Variants in DTNB observed in about 807,000 individuals in gnomAD.
The protein encoded by DTNB is DTN-B.
A neutral mutation model predicts 90.7 loss-of-function variants in DTNB; 63 were observed. The ratio of observed to expected loss-of-function variants is 0.69; its 90% CI spans 0.57 to 0.86. The LOEUF is 0.86. Among genes scored for constraint, DTNB ranks in the 40% least tolerant of loss-of-function variants. DTNB has a pLI of 0.00. For synonymous variants in DTNB, 277 were observed against 286.7 expected (o/e 0.97, Z 0.34); for missense variants, 744 against 807.1 (o/e 0.92, Z 0.95).
chr2:25,427,844 G>T, intron 14 of DTNB: 1 of 424,644 alleles, frequency 2.4e-6, no homozygotes, highest in Non-Finnish European at 4.2e-6. Context: ...GCTTTGGAAA[G>T]TTTAGATGAC....
intron 19 of DTNB, 193 bp downstream of exon 19, chr2:25,383,643 G>T: frequency 8.4e-7 from 1 of 1,184,306 alleles, no homozygotes; most frequent in Non-Finnish European, 1.2e-6. Context: ...GGAAGCTCTT[G>T]GTGATCGACT....
chr2:25,634,379 A>G (rs1393406521), intron 3 of DTNB, among the ~76,000 whole-genome samples: 2 of 100,612 alleles, frequency 2.0e-5, no homozygotes, highest in African/African-American at 3.9e-5. Context: ...TCCGGGAGGG[A>G]GGTGGGGGGG....
At chr2:25,583,932 AC>A (rs1435855817) in intron 6 of DTNB, among the ~76,000 whole-genome samples, 1 of 152,164 alleles carries the variant, frequency 6.6e-6, no homozygotes, top group Non-Finnish European at 1.5e-5. Flanking sequence ...TCCTAAAGTC[AC>A]ACCATATATG....
intron 1 of DTNB, among the ~76,000 whole-genome samples, chr2:25,663,002 G>A (rs953442424): frequency 2.0e-5 from 3 of 151,926 alleles, no homozygotes; most frequent in Admixed American, 6.6e-5. Context: ...CTATTGACCC[G>A]CCATCTAAGT....
At chr2:25,574,104 C>T (rs1235729903) in intron 8 of DTNB, among the ~76,000 whole-genome samples, 1 of 152,116 alleles carries the variant, frequency 6.6e-6, no homozygotes, top group Non-Finnish European at 1.5e-5. Flanking sequence ...CACATGGTTC[C>T]ATTTAGCTAC....
At chr2:25,408,322 G>C (rs1478412620) in intron 16 of DTNB, among the ~76,000 whole-genome samples, 2 of 142,898 alleles carry the variant, frequency 1.4e-5, no homozygotes, top group Non-Finnish European at 3.1e-5. Flanking sequence ...AAAAAAAAAA[G>C]AGTTCGAGAC....
At chr2:25,581,137 G>A (rs1158487301) in intron 6 of DTNB, among the ~76,000 whole-genome samples, 1 of 152,066 alleles carries the variant, frequency 6.6e-6, no homozygotes, top group African/African-American at 2.4e-5. Context: ...GTAGTGGCCT[G>A]GCCCAAATCA....
intron 9 of DTNB, among the ~76,000 whole-genome samples, chr2:25,529,527 G>A (rs2077754178): frequency 6.6e-6 from 1 of 152,112 alleles, no homozygotes; most frequent in South Asian, 2.1e-4. Flanking sequence ...TTGCATTATG[G>A]GGAACAGATA....
In DTNB at chr2:25,616,070, G is replaced by C. The variant is rs561408587; in HGVS notation, c.363-8749C>G. Among the ~76,000 whole-genome samples the C allele has an allele frequency of 5.9e-5, 9 of 152,354 alleles. No homozygotes were observed. In the South Asian group the frequency reaches 1.9e-3, roughly 32 times the overall value. On this transcript the variant is annotated intron_variant, in intron 4 of 20. Coordinates refer to ENST00000406818, the MANE Select transcript of DTNB (RefSeq NM_021907.5). ...ACAGAAAATTAATCACACTGCAGTT[G>C]TGTAAATCTTTCTGGCTCCAAATCT...
intron 16 of DTNB, among the ~76,000 whole-genome samples, chr2:25,417,774 T>C (rs1370517648): frequency 1.3e-5 from 2 of 152,172 alleles, no homozygotes; most frequent in African/African-American, 4.8e-5. Flanking sequence ...GAATACTTCA[T>C]AACAAGGGGA....
intron 4 of DTNB, among the ~76,000 whole-genome samples, chr2:25,627,239 C>T (rs917534751): frequency 8.6e-5 from 13 of 152,016 alleles, no homozygotes; most frequent in Admixed American, 2.6e-4. Context: ...ATGGAGAAAC[C>T]CTGTCTCTAC....
At chr2:25,590,823 C>T (rs545384243) in intron 6 of DTNB, among the ~76,000 whole-genome samples, 1 of 152,330 alleles carries the variant, frequency 6.6e-6, no homozygotes, top group Admixed American at 6.5e-5. Flanking sequence ...TCAGGCCCTC[C>T]CTGTCTTGAA....
intron 8 of DTNB, 44 bp from the exon 9 acceptor site, chr2:25,531,641 A>C: frequency 6.4e-7 from 1 of 1,569,110 alleles, no homozygotes; most frequent in Non-Finnish European, 8.6e-7. Flanking sequence ...CCTTCAAAAG[A>C]ATGAAAGGAA....
chr2:25,507,273 C>G (rs2072690968), intron 9 of DTNB, among the ~76,000 whole-genome samples: 1 of 152,152 alleles, frequency 6.6e-6, no homozygotes, highest in Admixed American at 6.5e-5. Context: ...TTGTAACTTT[C>G]TCCAGTATAC....
intron 4 of DTNB, among the ~76,000 whole-genome samples, chr2:25,627,316 G>A (rs777719621): frequency 2.0e-5 from 3 of 152,072 alleles, no homozygotes; most frequent in African/African-American, 4.8e-5. Context: ...GAAGGCTGAG[G>A]CAGGAGAATC....
rs561560089 is a variant in DTNB, at chr2:25,450,951, C to T, written c.1257+597G>A. On this transcript the variant is annotated intron_variant, in intron 12 of 20. Coordinates refer to ENST00000406818, the MANE Select transcript of DTNB (RefSeq NM_021907.5). ...TTCCCAGCATCTGGGACTACAGGTG[C>T]GTGCTACCACACCTGGCTAATTTTT... is the stretch of plus-strand genomic sequence containing the variant. Among the ~76,000 whole-genome samples the T allele has an allele frequency of 2.4e-3, 368 of 152,194 alleles. 1 individual carries two copies. Among genetic ancestry groups the T allele is most frequent in the African/African-American group, 7.4e-3 (307 of 41,524 alleles).
intron 6 of DTNB, 120 bp downstream of exon 6, chr2:25,595,966 G>A: frequency 1.0e-6 from 1 of 964,818 alleles, no homozygotes; most frequent in Non-Finnish European, 1.3e-6. Context: ...CACCTTTAAA[G>A]CTTTTTTCCT....
chr2:25,660,689 A>AT (rs553230771), intron 1 of DTNB, among the ~76,000 whole-genome samples: 3 of 152,060 alleles, frequency 2.0e-5, no homozygotes, highest in Middle Eastern at 3.4e-3. Context: ...CCTGTTGTTC[A>AT]TTTTTTTTAA....
chr2:25,503,670 T>C (rs2071442348), intron 9 of DTNB, among the ~76,000 whole-genome samples: 1 of 151,600 alleles, frequency 6.6e-6, no homozygotes, highest in African/African-American at 2.4e-5. Context: ...ATCCTAGCAC[T>C]TTGGGAGGCT....
Sources: allele counts gnomAD v4.1 joint callset (sites outside exome capture counted in the v4.1 genomes callset), GRCh38; gene constraint gnomAD v4.1.1; transcripts MANE v1.5; gene names NCBI Gene and HGNC (gene_info 2026-07-23, HGNC 2026-07-21).